The following DYNC2I1 variants were observed in gnomAD, a reference collection of about 807,000 sequenced individuals.
DYNC2I1 encodes the protein cytoplasmic dynein 2 intermediate chain 1.
Under a neutral mutation model 133.4 loss-of-function variants are expected in DYNC2I1, and 89 were observed. That is an observed-to-expected ratio of 0.67 (90% CI 0.56 to 0.80). The LOEUF (loss-of-function observed/expected upper bound fraction) is 0.80. Among genes scored for constraint, DYNC2I1 ranks in the 30% least tolerant of loss-of-function variants. The pLI, the probability that DYNC2I1 is intolerant of heterozygous loss-of-function variation, is 0.00. For missense variants in DYNC2I1, 1,291 were observed against 1,314.5 expected, an observed-to-expected ratio of 0.98 and a Z score of 0.28; for synonymous variants, 504 against 484.3, an observed-to-expected ratio of 1.04 and a Z score of -0.54.
At chr7:158,943,471 A>G (rs1170875830) in intron 24 of DYNC2I1, among the ~76,000 whole-genome samples, 4 of 152,186 alleles carry the variant, frequency 2.6e-5, no homozygotes, top group Admixed American at 2.6e-4. Context: ...GGAAGAGGTC[A>G]CGAGCGTGGG....
rs1167479500 is a variant in DYNC2I1, at chr7:158,945,250, G to A, written c.3003-331G>A. On this transcript the variant is annotated intron_variant, in intron 24 of 24. Transcript: ENST00000407559. This position sits in a 1 kb window ranked among gnomAD's most constrained non-coding sequence, Gnocchi z 4.1. ...AGATCCAGGGAGGCTGGAGACCAAG[G>A]ACGAGGCTCTGATAGATGGGCCTGC... is the stretch of plus-strand genomic sequence containing the variant. Among the ~76,000 whole-genome samples the A allele has an allele frequency of 6.6e-6, 1 of 152,056 alleles. No individual in the cohort carries two copies. Among genetic ancestry groups the A allele is most frequent in the African/African-American group, 2.4e-5 (1 of 41,396 alleles).
At chr7:158,880,518 C>T (rs1169762392) in intron 5 of DYNC2I1, among the ~76,000 whole-genome samples, 1 of 152,046 alleles carries the variant, frequency 6.6e-6, no homozygotes, top group Non-Finnish European at 1.5e-5. Flanking sequence ...TGAGATCGCA[C>T]CACTGCACTC....
downstream of DYNC2I1, among the ~76,000 whole-genome samples, chr7:158,958,554 A>C (rs1392000760): frequency 6.6e-6 from 1 of 152,230 alleles, no homozygotes; most frequent in African/African-American, 2.4e-5. Flanking sequence ...AGCTCACAAT[A>C]GTTCAGGGGT....
At chr7:158,877,316 G>C (rs1444372205) in intron 4 of DYNC2I1, among the ~76,000 whole-genome samples, 1 of 152,218 alleles carries the variant, frequency 6.6e-6, no homozygotes, top group Non-Finnish European at 1.5e-5. Flanking sequence ...TGCGGTGCGG[G>C]TGTGTTGGTG....
chr7:158,929,173 G>C (rs1216321494), intron 20 of DYNC2I1, among the ~76,000 whole-genome samples: 3 of 152,216 alleles, frequency 2.0e-5, no homozygotes, highest in Non-Finnish European at 4.4e-5. Flanking sequence ...CGACCAGCCC[G>C]TTGTTCAGGG....
In DYNC2I1 at chr7:158,901,721, T is replaced by C. The variant is rs759941384; in HGVS notation, c.1060-18T>C. The stretch of plus-strand genomic sequence containing the variant: ...TATGATTGAATTTTTTGGTTTTGTG[T>C]TTGATTTTTACCTCTAGGAAATTGA... On this transcript the variant is annotated intron_variant, in intron 8 of 24. Transcript: ENST00000407559. 70 of 1,546,068 alleles carry C rather than the reference T, an allele frequency of 4.5e-5. No individual in the cohort carries two copies. The highest frequency in any genetic ancestry group is 1.5e-4 in the South Asian group (12 of 80,804).
At chr7:158,856,167 C>T (rs1456174204), upstream of DYNC2I1, among the ~76,000 whole-genome samples, 1 of 151,748 alleles carries the variant, frequency 6.6e-6, no homozygotes, top group Non-Finnish European at 1.5e-5. Flanking sequence ...AGGATGGTCT[C>T]GATCTCCTGA....
At chr7:158,911,356 C>G (rs1409597803) in intron 11 of DYNC2I1, among the ~76,000 whole-genome samples, 194 bp from the exon 12 acceptor site, 1 of 152,156 alleles carries the variant, frequency 6.6e-6, no homozygotes. Context: ...GCCAAGGTCA[C>G]ACACCAGGTT....
At chr7:158,846,251 TC>T in the DYNC2I1 span, among the ~76,000 whole-genome samples, 1 of 152,004 alleles carries the variant, frequency 6.6e-6, no homozygotes, top group South Asian at 2.1e-4. Context: ...AGAGCAAAAC[TC>T]CATTTCAAAA....
At chr7:158,940,893 A>G (rs571003544) in intron 23 of DYNC2I1, among the ~76,000 whole-genome samples, 2 of 152,220 alleles carry the variant, frequency 1.3e-5, no homozygotes, top group Admixed American at 1.3e-4. Context: ...AAAGACTTCA[A>G]ATAAACAATG....
chr7:158,899,842 C>T (rs1372869334), intron 8 of DYNC2I1, among the ~76,000 whole-genome samples: 2 of 152,126 alleles, frequency 1.3e-5, no homozygotes, highest in South Asian at 2.1e-4. Context: ...CTTTTTCTTC[C>T]CAGTCTCGGT....
chr7:158,863,839 C>T (rs1457899363), intron 1 of DYNC2I1, among the ~76,000 whole-genome samples: 1 of 119,028 alleles, frequency 8.4e-6, no homozygotes, highest in East Asian at 2.9e-4. Flanking sequence ...GCCGGACGTC[C>T]TTAGCTCCGG....
chr7:158,916,195 A>T (rs1368730356), intron 14 of DYNC2I1, among the ~76,000 whole-genome samples: 15 of 80,670 alleles, frequency 1.9e-4, no homozygotes, highest in South Asian at 3.5e-4. Flanking sequence ...GGTTGACATT[A>T]AGGATGATTG....
chr7:158,873,993 A>G (rs552770164), intron 3 of DYNC2I1, among the ~76,000 whole-genome samples: 1 of 152,148 alleles, frequency 6.6e-6, no homozygotes, highest in East Asian at 1.9e-4. Flanking sequence ...TCCTGAGCTC[A>G]GACAATCCAC....
intron 4 of DYNC2I1, among the ~76,000 whole-genome samples, chr7:158,953,646 C>T (rs556538581): frequency 2.7e-4 from 41 of 152,228 alleles, no homozygotes; most frequent in East Asian, 2.3e-3. Context: ...CTACTCAAGA[C>T]GGCTGAGGTA....
intron 1 of DYNC2I1, among the ~76,000 whole-genome samples, chr7:158,867,558 C>T (rs936179573): frequency 1.3e-5 from 2 of 152,018 alleles, no homozygotes; most frequent in African/African-American, 2.4e-5. Context: ...CAGGTGGCGG[C>T]GAGGGTGCAG....
the DYNC2I1 span, among the ~76,000 whole-genome samples, chr7:158,846,065 G>A: frequency 6.6e-6 from 1 of 152,082 alleles, no homozygotes; most frequent in Non-Finnish European, 1.5e-5. Flanking sequence ...TTCGAGACTA[G>A]CCTGGGCAAC....
At chr7:158,869,610 T>G in intron 1 of DYNC2I1, 1 of 525,532 alleles carries the variant, frequency 1.9e-6, no homozygotes, top group Non-Finnish European at 3.6e-6. Flanking sequence ...CACTTTTATT[T>G]TATAATATTT....
intron 4 of DYNC2I1, among the ~76,000 whole-genome samples, chr7:158,951,885 C>G (rs1293137235): frequency 6.6e-6 from 1 of 152,180 alleles, no homozygotes; most frequent in Non-Finnish European, 1.5e-5. Context: ...TGAGGGCTTC[C>G]AGGGAGTTTT....
Sources: allele counts gnomAD v4.1 joint callset (sites outside exome capture counted in the v4.1 genomes callset), GRCh38; gene constraint gnomAD v4.1.1; non-coding constraint Gnocchi (gnomAD v3.1); transcripts MANE v1.5; gene names NCBI Gene and HGNC (gene_info 2026-07-23, HGNC 2026-07-21).